The following SOS1 variants were observed in gnomAD, a reference collection of about 807,000 sequenced individuals.
The protein encoded by SOS1 is SOS Ras/Rac guanine nucleotide exchange factor 1, also known as son of sevenless homolog 1.
In SOS1, 25 loss-of-function variants were observed where a neutral mutation model predicts 157.6. The ratio of observed to expected loss-of-function variants is 0.16; its 90% CI spans 0.12 to 0.22. The LOEUF (loss-of-function observed/expected upper bound fraction) is 0.22, where lower values mean the gene tolerates loss of function less well. Among genes scored for constraint, SOS1 ranks in the 10% least tolerant of loss-of-function variants. SOS1 has a pLI of 1.00. For missense variants in SOS1, 1,237 were observed against 1,599.1 expected, an observed-to-expected ratio of 0.77 and a Z score of 3.86; for synonymous variants, 528 against 534.0, an observed-to-expected ratio of 0.99 and a Z score of 0.16.
At chr2:38,992,879 A>C (rs1668775033) in intron 20 of SOS1, 2 of 152,080 alleles carry the variant, frequency 1.3e-5, no homozygotes, top group Admixed American at 6.6e-5. Flanking sequence ...AATAAATGGG[A>C]ATCTTTTTTT....
chr2:39,104,852 T>C (rs1000364364), intron 1 of SOS1, among the ~76,000 whole-genome samples: 1 of 152,168 alleles, frequency 6.6e-6, no homozygotes, highest in Non-Finnish European at 1.5e-5. Context: ...ACATTAAATA[T>C]CTAGAAGAGG....
rs192155559 is a variant in SOS1, at chr2:39,060,325, T to C, written c.214-1521A>G. 4.6e-5 allele frequency among the ~76,000 whole-genome samples: 7 copies of C among 152,346 alleles called. No homozygotes were observed. In the East Asian group the frequency reaches 5.8e-4, roughly 13 times the overall value. Reference sequence around the variant, plus strand: ...AAATTTTCAACACATTTTTACATTATACCCTTACATACTGCACACATACTC... The same window carrying C: ...AAATTTTCAACACATTTTTACATTACACCCTTACATACTGCACACATACTC... On this transcript the variant is annotated intron_variant, in intron 2 of 22. Transcript: ENST00000402219.
chr2:39,062,059 G>A (rs1289572553), intron 2 of SOS1, among the ~76,000 whole-genome samples: 1 of 151,920 alleles, frequency 6.6e-6, no homozygotes, highest in African/African-American at 2.4e-5. Flanking sequence ...TTTTTGTTTA[G>A]AAAGGTAGAA....
chr2:39,113,044 AAAAAG>A (rs1286688554), intron 1 of SOS1, among the ~76,000 whole-genome samples: 1 of 152,076 alleles, frequency 6.6e-6, no homozygotes, highest in Non-Finnish European at 1.5e-5. Flanking sequence ...CTCAAAAAAA[AAAAAG>A]AAAAGAAAAG....
intron 1 of SOS1, among the ~76,000 whole-genome samples, chr2:39,109,478 C>A (rs940125747): frequency 6.6e-6 from 1 of 152,298 alleles, no homozygotes; most frequent in African/African-American, 2.4e-5. Context: ...TAGGGGATTT[C>A]AAAGCCCTGT....
intron 6 of SOS1, among the ~76,000 whole-genome samples, chr2:39,039,565 A>G (rs767910496): frequency 1.3e-5 from 2 of 152,106 alleles, no homozygotes; most frequent in Non-Finnish European, 1.5e-5. Context: ...TGCGCCATTT[A>G]TTTGTATCTT....
intron 6 of SOS1, among the ~76,000 whole-genome samples, chr2:39,044,801 C>T (rs1018360431): frequency 1.3e-5 from 2 of 151,992 alleles, no homozygotes; most frequent in African/African-American, 2.4e-5. Context: ...TGCAGGGAGT[C>T]CTAGAACCAA....
intron 6 of SOS1, among the ~76,000 whole-genome samples, chr2:39,047,074 G>A (rs2124588502): frequency 6.6e-6 from 1 of 152,066 alleles, no homozygotes; most frequent in South Asian, 2.1e-4. Context: ...CCCAGATAAA[G>A]AAATAGAACA....
At chr2:39,026,395 A>G (rs1454070208) in intron 8 of SOS1, among the ~76,000 whole-genome samples, 1 of 151,970 alleles carries the variant, frequency 6.6e-6, no homozygotes, top group Non-Finnish European at 1.5e-5. Flanking sequence ...TATTCCTAAC[A>G]ATTCTCAACA....
chr2:39,005,448 A>G (rs1310392337), intron 17 of SOS1, among the ~76,000 whole-genome samples: 1 of 152,178 alleles, frequency 6.6e-6, no homozygotes, highest in Non-Finnish European at 1.5e-5. Flanking sequence ...CAAATTGTCC[A>G]ACTTTATGGA....
chr2:39,021,471 C>T (rs59562293), intron 10 of SOS1, among the ~76,000 whole-genome samples: 150 of 145,762 alleles, frequency 1.0e-3, no homozygotes, highest in African/African-American at 3.3e-3. Flanking sequence ...GCCCAAGTAT[C>T]ACTGACTTGT....
chr2:39,107,331 T>TGA (rs1413341097), intron 1 of SOS1, among the ~76,000 whole-genome samples: 1 of 152,204 alleles, frequency 6.6e-6, no homozygotes, highest in Non-Finnish European at 1.5e-5. Flanking sequence ...AGTCACTGAC[T>TGA]GAGCATGGCA....
In SOS1 at chr2:39,018,340, A is replaced by G. The variant is rs578228552; in HGVS notation, c.1859-3494T>C. ...GTTTTTCCCCCTCATCATTAGAGAT[A>G]ACATTACTTTGCTACTTGACTCTCA... On this transcript the variant is annotated intron_variant, in intron 10 of 22. Coordinates refer to ENST00000402219, the MANE Select transcript of SOS1 (RefSeq NM_005633.4). Among the ~76,000 whole-genome samples the G allele has an allele frequency of 1.6e-3, 242 of 151,950 alleles. 5 individuals carry two copies. In the South Asian group the frequency reaches 0.022, roughly 14 times the overall value.
chr2:39,107,090 T>G (rs1186543458), intron 1 of SOS1, among the ~76,000 whole-genome samples: 1 of 152,218 alleles, frequency 6.6e-6, no homozygotes, highest in Admixed American at 6.5e-5. Flanking sequence ...CCTTTTTTTT[T>G]TCTTTTAAAT....
In SOS1 at chr2:38,983,155, G is replaced by T. The variant is rs1341057563; in HGVS notation, c.*2669C>A. 6.6e-6 allele frequency: 1 copy of T among 152,112 alleles called. No individual in the cohort carries two copies. The highest frequency in any genetic ancestry group is 1.5e-5 in the Non-Finnish European group (1 of 68,016). The allele number at this position is 152,112 out of a possible 1,614,324, so 9.4% of individuals were successfully genotyped here. A position where few individuals can be genotyped will look rare whatever the true frequency, so the allele number is the denominator to read the frequency against. ...AATGTGGTTAACAAAAAGTCATGCTGCATTTACCCCCTTGTAATGTCCAGG... is the reference window on the plus strand; with the variant it reads ...AATGTGGTTAACAAAAAGTCATGCTTCATTTACCCCCTTGTAATGTCCAGG... On this transcript the variant is annotated 3_prime_UTR_variant, in exon 23 of 23. Transcript: ENST00000402219.
At chr2:39,019,900 T>C (rs1243820599) in intron 10 of SOS1, among the ~76,000 whole-genome samples, 1 of 151,580 alleles carries the variant, frequency 6.6e-6, no homozygotes, top group Non-Finnish European at 1.5e-5. Flanking sequence ...GAACAAGCCA[T>C]TTATATTATT....
chr2:39,031,849 T>C (rs961217644), intron 8 of SOS1, among the ~76,000 whole-genome samples: 1 of 152,218 alleles, frequency 6.6e-6, no homozygotes, highest in African/African-American at 2.4e-5. Context: ...TGAAGCAATA[T>C]GGTTTTCAAA....
intron 15 of SOS1, among the ~76,000 whole-genome samples, chr2:39,007,935 G>A (rs921520900): frequency 1.3e-5 from 2 of 152,150 alleles, no homozygotes; most frequent in African/African-American, 4.8e-5. Context: ...TTTGGTAAGA[G>A]AGGGGAGAGA....
rs752274044 is a variant in SOS1 at position 39,014,864 on chromosome 2, A to G, written c.1859-18T>C. Reference sequence around the variant, plus strand: ...ATTGGGATCTAAGAAGAAAAAGGAAAAATATCTTATTAAACTCTATGATTC... The same window carrying G: ...ATTGGGATCTAAGAAGAAAAAGGAAGAATATCTTATTAAACTCTATGATTC... On this transcript the variant is annotated intron_variant, in intron 10 of 22. Coordinates refer to ENST00000402219, the MANE Select transcript of SOS1 (RefSeq NM_005633.4). 18 of 1,274,128 alleles carry G rather than the reference A, an allele frequency of 1.4e-5. No individual in the cohort carries two copies. Among genetic ancestry groups the G allele is most frequent in the Non-Finnish European group, 1.7e-5 (15 of 871,192 alleles). 78.9% of individuals were successfully genotyped at this position (1,274,128 alleles called of 1,614,324 possible). A position where few individuals can be genotyped will look rare whatever the true frequency, so the allele number is the denominator to read the frequency against.
Sources: gnomAD v4.1 joint callset for allele counts (sites outside exome capture counted in the v4.1 genomes callset) on GRCh38, gnomAD v4.1.1 for gene constraint, MANE v1.5 for transcripts, NCBI Gene and HGNC (gene_info 2026-07-23, HGNC 2026-07-21) for gene names.